Variants in CIB1 observed in about 807,000 individuals in gnomAD.
The protein encoded by CIB1 is calcium and integrin binding 1, also known as calcium and integrin-binding protein 1.
In CIB1, 19 loss-of-function variants were observed where a neutral mutation model predicts 25.0. The observed-to-expected ratio is 0.76, with a 90% CI of 0.53 to 1.12. The LOEUF (loss-of-function observed/expected upper bound fraction) is 1.12, where lower values mean the gene tolerates loss of function less well. Ranked by LOEUF, CIB1 falls within the 50% of genes most tolerant of loss-of-function variation. The probability of loss-of-function intolerance (pLI) is 0.00; values close to 1 mark genes in which losing one functional copy is unlikely to be tolerated. For missense variants in CIB1, 236 were observed against 242.6 expected, an observed-to-expected ratio of 0.97 and a Z score of 0.18; for synonymous variants, 104 against 98.5, an observed-to-expected ratio of 1.06 and a Z score of -0.33.
chr15:90,241,456 C>G, the CIB1 span: 16 of 1,613,634 alleles, frequency 9.9e-6, no homozygotes, highest in Non-Finnish European at 1.4e-5. Flanking sequence ...CGCCTGCTGC[C>G]GGGTGCACTG....
chr15:90,265,697 G>A, the CIB1 span: 1 of 1,612,976 alleles, frequency 6.2e-7, no homozygotes, highest in South Asian at 1.1e-5. Flanking sequence ...ACTGCTGAAG[G>A]CTGGTTTGCG....
chr15:90,249,214 C>CAA, the CIB1 span, among the ~76,000 whole-genome samples: 876 of 87,768 alleles, frequency 1.0e-2, 13 homozygotes, highest in African/African-American at 0.026. Context: ...GACCCCGTCT[C>CAA]AAAAAAAAAA....
chr15:90,254,382 A>G, the CIB1 span, among the ~76,000 whole-genome samples: 1 of 148,634 alleles, frequency 6.7e-6, no homozygotes, highest in Non-Finnish European at 1.5e-5. Flanking sequence ...AATCCCAGCT[A>G]TTTAGGAGGC....
the CIB1 span, chr15:90,257,938 G>A: frequency 8.3e-7 from 1 of 1,198,482 alleles, no homozygotes; most frequent in Non-Finnish European, 1.2e-6. Context: ...GCCCTTCAAA[G>A]CCCGGGCATG....
the CIB1 span, chr15:90,258,367 A>C: frequency 9.5e-7 from 1 of 1,055,300 alleles, no homozygotes; most frequent in Non-Finnish European, 1.4e-6. Flanking sequence ...GGAACACAGA[A>C]TGGGAGATGT....
the CIB1 span, chr15:90,265,542 C>T: frequency 2.2e-6 from 3 of 1,394,392 alleles, no homozygotes; most frequent in Non-Finnish European, 2.8e-6. Context: ...CAGTTACAGG[C>T]AGAAAGGGTG....
At chr15:90,250,353 C>T in the CIB1 span, among the ~76,000 whole-genome samples, 4 of 152,160 alleles carry the variant, frequency 2.6e-5, no homozygotes, top group Admixed American at 6.5e-5. Context: ...TGAAGGCACC[C>T]CTGTGCGTTG....
the CIB1 span, chr15:90,241,093 C>T: frequency 1.9e-6 from 3 of 1,614,044 alleles, no homozygotes; most frequent in African/African-American, 4.0e-5. Flanking sequence ...TTTGATGCTG[C>T]ACTCTGCTCT....
chr15:90,265,433 C>T, the CIB1 span: 1 of 1,303,414 alleles, frequency 7.7e-7, no homozygotes, highest in Non-Finnish European at 9.7e-7. Flanking sequence ...AGGGACGGCT[C>T]TTGGAAACGG....
At chr15:90,237,176 G>A (rs1445593838), upstream of CIB1, among the ~76,000 whole-genome samples, 1 of 151,980 alleles carries the variant, frequency 6.6e-6, no homozygotes, top group Non-Finnish European at 1.5e-5. Flanking sequence ...GGCCAGGCTG[G>A]TCTCGAACTC....
chr15:90,250,314 C>T, the CIB1 span, among the ~76,000 whole-genome samples: 1 of 152,178 alleles, frequency 6.6e-6, no homozygotes, highest in Admixed American at 6.5e-5. Context: ...GAGCCATGGT[C>T]ATGGCCCATA....
chr15:90,251,673 C>T, the CIB1 span: 8 of 1,521,066 alleles, frequency 5.3e-6, no homozygotes, highest in South Asian at 9.0e-5. Context: ...GGAATGGACC[C>T]CCGATCAGGC....
the CIB1 span, among the ~76,000 whole-genome samples, chr15:90,259,301 G>C: frequency 6.6e-6 from 1 of 152,038 alleles, no homozygotes; most frequent in East Asian, 1.9e-4. Flanking sequence ...GAGGTGGGAT[G>C]GTTACTTGAG....
upstream of CIB1, among the ~76,000 whole-genome samples, chr15:90,236,942 T>C (rs1962647803): frequency 6.6e-6 from 1 of 151,888 alleles, no homozygotes; most frequent in South Asian, 2.1e-4. Flanking sequence ...ACCGAGCTGC[T>C]GATATACTTT....
upstream of CIB1, among the ~76,000 whole-genome samples, chr15:90,236,785 C>T (rs1293376956): frequency 2.6e-5 from 4 of 151,838 alleles, no homozygotes; most frequent in Non-Finnish European, 4.4e-5. Flanking sequence ...ATCCGCCTCC[C>T]TCAGCCTCCC....
chr15:90,251,146 C>T, the CIB1 span, among the ~76,000 whole-genome samples: 5 of 102,770 alleles, frequency 4.9e-5, no homozygotes, highest in Non-Finnish European at 9.3e-5. Flanking sequence ...CAGAGTCTCG[C>T]TCTGTCGCCC....
At chr15:90,256,543 C>CT in the CIB1 span, among the ~76,000 whole-genome samples, 34 of 141,100 alleles carry the variant, frequency 2.4e-4, 1 homozygote, top group Non-Finnish European at 4.2e-4. Flanking sequence ...TGTCTCCTTC[C>CT]TTTTTCTTTC....
At chr15:90,258,471 C>T in the CIB1 span, 10 of 628,196 alleles carry the variant, frequency 1.6e-5, no homozygotes, top group South Asian at 1.9e-5. Context: ...TGGCCTCTAC[C>T]GTAGGAATGC....
At chr15:90,259,379 G>A in the CIB1 span, among the ~76,000 whole-genome samples, 3 of 150,830 alleles carry the variant, frequency 2.0e-5, no homozygotes, top group African/African-American at 7.3e-5. Flanking sequence ...AACAGAGTGA[G>A]ACCCTGTTTC....
Sources: gnomAD v4.1 joint callset for allele counts (sites outside exome capture counted in the v4.1 genomes callset) on GRCh38, gnomAD v4.1.1 for gene constraint, MANE v1.5 for transcripts, NCBI Gene and HGNC (gene_info 2026-07-23, HGNC 2026-07-21) for gene names.